Variants in YLPM1 observed in about 807,000 individuals in gnomAD.
The protein encoded by YLPM1 is YLP motif containing 1.
YLPM1 carries 99 observed loss-of-function variants against 230.0 expected under a neutral mutation model. The observed-to-expected ratio is 0.43, with a 90% CI of 0.37 to 0.51. YLPM1 has a LOEUF of 0.51. Ranked by LOEUF, YLPM1 falls within the 20% of genes least tolerant of loss-of-function variation. The pLI is 0.00. For missense variants in YLPM1, 2,592 were observed against 2,707.7 expected, an observed-to-expected ratio of 0.96 and a Z score of 0.95; for synonymous variants, 984 against 942.5, an observed-to-expected ratio of 1.04 and a Z score of -0.81.
At chr14:74,796,445 G>C (rs973410626) in intron 4 of YLPM1, among the ~76,000 whole-genome samples, 1 of 152,170 alleles carries the variant, frequency 6.6e-6, no homozygotes, top group African/African-American at 2.4e-5. Flanking sequence ...TGATTTCAGA[G>C]AAGTTGTCTT....
At chr14:74,814,447 T>G (rs2091461091) in intron 11 of YLPM1, among the ~76,000 whole-genome samples, 1 of 152,224 alleles carries the variant, frequency 6.6e-6, no homozygotes, top group African/African-American at 2.4e-5. Flanking sequence ...ATTCCTAGTT[T>G]GTTGAATGTT....
chr14:74,809,461 T>C lies in YLPM1; in HGVS notation c.4603T>C (p.Ser1535Pro). 1.3e-6 allele frequency: 2 copies of C among 1,596,726 alleles called. No individual in the cohort carries two copies. Among genetic ancestry groups the C allele is most frequent in the Non-Finnish European group, 1.7e-6 (2 of 1,170,654 alleles). The part of the protein sequence containing the change: ...IVRPSAPPAR[S>P]SVPVTRPPVP... ...AAGACCCTCTGCTCCACCAGCAAGA[T>C]CATCTGTTCCTGTGACCAGGCCACC... Residue 1535 changes from serine (S) to proline (P), a missense_variant, in exon 7 of 21, where the codon TCA (serine) becomes CCA (proline). Physicochemically the swap from Ser to Pro is moderately conservative, Grantham distance 74 (BLOSUM62 -1). This residue lies in a region of YLPM1 where 403 missense variants were observed against 426.7 expected (regional missense o/e 0.94). Coordinates refer to ENST00000325680, the MANE Select transcript of YLPM1 (RefSeq NM_019589.3).
chr14:74,781,201 T>C (rs1050852622), intron 3 of YLPM1, 133 bp from the exon 4 acceptor site: 8 of 1,017,290 alleles, frequency 7.9e-6, no homozygotes, highest in Non-Finnish European at 1.1e-5. Flanking sequence ...AACGAACTTA[T>C]TCTTAGCCTC....
rs1185431968 is a variant in YLPM1, at chr14:74,797,849, A to G, written c.2552A>G (p.Gln851Arg). Residue 851 changes from glutamine (Q) to arginine (R), a missense_variant, in exon 5 of 21, where the codon CAA (glutamine) becomes CGA (arginine). Physicochemically the swap from Gln to Arg is conservative, Grantham distance 43. Coordinates refer to ENST00000325680, the MANE Select transcript of YLPM1 (RefSeq NM_019589.3). Reference protein sequence around the residue: ...KPAFGQQHQQQPKSQAEPLSG... With the variant: ...KPAFGQQHQQRPKSQAEPLSG... ...GCTTTTGGACAGCAGCATCAGCAGC[A>G]ACCTAAGTCACAAGCAGAACCTCTT... The G allele has an allele frequency of 1.2e-6, 2 of 1,613,998 alleles. No individual in the cohort carries two copies. Among genetic ancestry groups the G allele is most frequent in the Non-Finnish European group, 1.7e-6 (2 of 1,179,894 alleles).
intron 18 of YLPM1, chr14:74,827,322 G>C (rs994122063): frequency 5.6e-5 from 55 of 985,022 alleles, no homozygotes; most frequent in Non-Finnish European, 6.5e-5. Context: ...TAACACCCCA[G>C]ATTTCTTTCC....
Position 74,764,155 on chromosome 14 carries a change from G to A in YLPM1, c.666G>A (p.Gln222=). Residue 222 remains glutamine, a synonymous_variant, in exon 1 of 21, where the codon CAG becomes CAA. Coordinates refer to ENST00000325680, the MANE Select transcript of YLPM1 (RefSeq NM_019589.3). ...SSSQSYLSHS[Q]SYLPSSQASP... ...CGCAATCCTATTTGAGCCATTCCCA[G>A]TCCTACTTGCCCTCTTCTCAGGCAT... 6.2e-7 allele frequency: 1 copy of A among 1,612,980 alleles called. No homozygotes were observed. Among genetic ancestry groups the A allele is most frequent in the Non-Finnish European group, 8.5e-7 (1 of 1,179,726 alleles).
At chr14:74,765,597 C>T (rs1266435960) in intron 1 of YLPM1, among the ~76,000 whole-genome samples, 1 of 152,192 alleles carries the variant, frequency 6.6e-6, no homozygotes, top group Non-Finnish European at 1.5e-5. Context: ...TTTCCCACCC[C>T]ACTCTGAAGT....
At position 74,781,621 on chromosome 14, in the gene YLPM1, G is replaced by A. The variant is rs367953622; in HGVS notation, c.1578G>A (p.Met526Ile). The A allele has an allele frequency of 3.4e-5, 55 of 1,613,886 alleles. No homozygotes were observed. The African/African-American group carries it at 7.2e-4, about 21-fold the overall frequency. Residue 526 changes from methionine to isoleucine, a missense_variant, in exon 4 of 21, where the codon ATG becomes ATA. Transcript: ENST00000325680. ...MPPPFVPYSQ[M>I]PPPLPTMPPP... ...CTCCTTTTGTTCCATATTCTCAGATGCCTCCACCTCTACCTACAATGCCCC... is the reference window on the plus strand; with the variant it reads ...CTCCTTTTGTTCCATATTCTCAGATACCTCCACCTCTACCTACAATGCCCC...
At chr14:74,796,705 CTT>C (rs1488000834) in intron 4 of YLPM1, among the ~76,000 whole-genome samples, 1 of 149,028 alleles carries the variant, frequency 6.7e-6, no homozygotes, top group Non-Finnish European at 1.5e-5. Flanking sequence ...ACTGTGCAGA[CTT>C]TTTAAAATGT....
intron 4 of YLPM1, among the ~76,000 whole-genome samples, chr14:74,797,232 C>T (rs1330189503): frequency 6.8e-6 from 1 of 146,716 alleles, no homozygotes; most frequent in South Asian, 2.1e-4. Context: ...CTCAGGTGAT[C>T]TGCCCATCTC....
intron 5 of YLPM1, among the ~76,000 whole-genome samples, chr14:74,801,736 T>C (rs180834891): frequency 1.3e-5 from 2 of 152,350 alleles, no homozygotes; most frequent in African/African-American, 4.8e-5. Context: ...ATTGTTGGCA[T>C]GTGGGAATGT....
intron 5 of YLPM1, among the ~76,000 whole-genome samples, chr14:74,801,092 T>G (rs1165619515): frequency 1.3e-5 from 2 of 152,238 alleles, no homozygotes; most frequent in African/African-American, 4.8e-5. Flanking sequence ...TTTTTTTCCT[T>G]TTTAAATTTC....
intron 18 of YLPM1, chr14:74,827,235 A>G: frequency 1.4e-6 from 1 of 726,114 alleles, no homozygotes; most frequent in Non-Finnish European, 1.7e-6. Context: ...CTTCATCTTC[A>G]TCTTAAAACT....
Position 74,764,113 on chromosome 14 carries a change from A to ATCC in YLPM1, c.633_635dup (p.Ser214dup). 3 of 1,609,756 alleles carry ATCC rather than the reference A, an allele frequency of 1.9e-6. No individual in the cohort carries two copies. The highest frequency in any genetic ancestry group is 2.5e-6 in the Non-Finnish European group (3 of 1,178,886). ...ACCTGGCGCCCACCCCTTCTTACTCATCCTCCTCCTCTTCCTCGCAATCCT... is the reference window on the plus strand; with the variant it reads ...ACCTGGCGCCCACCCCTTCTTACTCATCCTCCTCCTCCTCTTCCTCGCAATCCT... On this transcript the variant is annotated inframe_insertion, in exon 1 of 21. Transcript: ENST00000325680.
chr14:74,764,313 A>G lies in YLPM1; in HGVS notation c.824A>G (p.Glu275Gly). The stretch of plus-strand genomic sequence containing the variant: ...AGTGGGGCCAAAAACAAGAGTACTG[A>G]ACAGCAGCAAGCCGCCCCTGAGCCA... ...LESGAKNKSTEQQQAAPEPDP... is the reference protein window; with the variant it reads ...LESGAKNKSTGQQQAAPEPDP... Residue 275 changes from glutamate (E) to glycine (G), a missense_variant, in exon 1 of 21, where the codon GAA becomes GGA. Physicochemically the swap from Glu to Gly is moderately conservative, Grantham distance 98. This residue lies in a region of YLPM1 where 1,862 missense variants were observed against 1,819.8 expected (regional missense o/e 1.02). Transcript: ENST00000325680. The G allele has an allele frequency of 6.2e-7, 1 of 1,613,708 alleles. No individual in the cohort carries two copies. The highest frequency in any genetic ancestry group is 2.2e-5 in the East Asian group (1 of 44,872).
chr14:74,822,662 A>G (rs908537235), intron 17 of YLPM1, among the ~76,000 whole-genome samples: 2 of 152,152 alleles, frequency 1.3e-5, no homozygotes, highest in African/African-American at 4.8e-5. Flanking sequence ...CAGAATTGAA[A>G]TCTTTTACTA....
intron 6 of YLPM1, among the ~76,000 whole-genome samples, chr14:74,805,704 CTT>C (rs571630763): frequency 1.2e-4 from 16 of 134,484 alleles, no homozygotes; most frequent in Non-Finnish European, 9.6e-5. Flanking sequence ...AATAAGCATA[CTT>C]TTTTTTTTTT....
chr14:74,798,926 A>G lies in YLPM1; in HGVS notation c.3629A>G (p.Asn1210Ser). ...GHEEFPLDGR[N>S]APMERERLDD... The stretch of plus-strand genomic sequence containing the variant: ...GAAGAGTTTCCATTAGATGGTAGAA[A>G]TGCTCCAATGGAACGAGAAAGACTC... The change falls in exon 5 of 21, where the codon AAT becomes AGT. Residue 1210 changes from asparagine (N) to serine (S), a missense_variant. By Grantham distance (46) the Asn-to-Ser change is conservative. This residue lies in a region of YLPM1 where 1,862 missense variants were observed against 1,819.8 expected (regional missense o/e 1.02). Transcript: ENST00000325680. 1.9e-6 allele frequency: 3 copies of G among 1,613,924 alleles called. No individual in the cohort carries two copies. The highest frequency in any genetic ancestry group is 2.5e-6 in the Non-Finnish European group (3 of 1,179,862).
chr14:74,794,208 A>C (rs538470728), intron 4 of YLPM1, among the ~76,000 whole-genome samples: 1 of 151,926 alleles, frequency 6.6e-6, no homozygotes, highest in Admixed American at 6.6e-5. Flanking sequence ...TTTGAGACAA[A>C]GTCTCACTTT....
Sources: gnomAD v4.1 joint callset for allele counts (sites outside exome capture counted in the v4.1 genomes callset) on GRCh38, gnomAD v4.1.1 for gene constraint, gnomAD v4.1.1 regional missense constraint, MANE v1.5 for transcripts, NCBI Gene and HGNC (gene_info 2026-07-23, HGNC 2026-07-21) for gene names.